The following ADAMTSL1 variants were observed in gnomAD, a reference collection of about 807,000 sequenced individuals.
ADAMTSL1 encodes ADAMTS like 1.
A neutral mutation model predicts 201.8 loss-of-function variants in ADAMTSL1; 126 were observed. That is an observed-to-expected ratio of 0.62 (90% confidence interval 0.54 to 0.72). ADAMTSL1 has a LOEUF of 0.72. Among genes scored for constraint, ADAMTSL1 ranks in the 30% least tolerant of loss-of-function variants. ADAMTSL1 has a pLI of 0.00. For synonymous variants in ADAMTSL1, 1,121 were observed against 903.4 expected, an observed-to-expected ratio of 1.24 and a Z score of -4.32; for missense variants, 2,679 against 2,277.8, an observed-to-expected ratio of 1.18 and a Z score of -3.59.
At chr9:18,465,136 C>T (rs527928516) in intron 2 of ADAMTSL1, among the ~76,000 whole-genome samples, 25 of 152,244 alleles carry the variant, frequency 1.6e-4, no homozygotes, top group African/African-American at 5.3e-4. Flanking sequence ...CTACACTGGC[C>T]GTTAATCAAA....
intron 23 of ADAMTSL1, among the ~76,000 whole-genome samples, chr9:18,864,782 A>G (rs750240192): frequency 6.6e-6 from 1 of 152,218 alleles, no homozygotes; most frequent in Non-Finnish European, 1.5e-5. Flanking sequence ...CAAGGATGTC[A>G]ATTGGTGGCA....
At position 18,178,749 on chromosome 9, in the gene ADAMTSL1, A is replaced by AC. The variant is rs963103456; in HGVS notation, c.207+14773dup. 3.3e-5 allele frequency among the ~76,000 whole-genome samples: 5 copies of AC among 152,088 alleles called. No individual in the cohort carries two copies. The East Asian group carries it at 5.8e-4, about 18-fold the overall frequency. ...CCCCCGAGCAGCCTAACTGGGAGGC[A>AC]CCCCCAAGCAGGGGCAGACTGACAC... On this transcript the variant is annotated intron_variant, in intron 2 of 29. Coordinates refer to the ADAMTSL1 transcript ENST00000680146.
chr9:18,674,424 C>T (rs979233863), intron 9 of ADAMTSL1, among the ~76,000 whole-genome samples: 2 of 151,998 alleles, frequency 1.3e-5, no homozygotes, highest in Non-Finnish European at 2.9e-5. Context: ...TATCCCCTAA[C>T]CTTTCAGTAA....
At chr9:18,195,648 G>T (rs1269545141) in intron 2 of ADAMTSL1, among the ~76,000 whole-genome samples, 1 of 152,146 alleles carries the variant, frequency 6.6e-6, no homozygotes, top group Non-Finnish European at 1.5e-5. Context: ...TCTGAAAAGA[G>T]CTGGTACTGG....
At chr9:18,488,976 G>C (rs1822132893) in intron 1 of ADAMTSL1, among the ~76,000 whole-genome samples, 2 of 152,128 alleles carry the variant, frequency 1.3e-5, no homozygotes, top group African/African-American at 4.8e-5. Context: ...ACTCATAAAT[G>C]CTTGTCTAAT....
At chr9:18,799,591 T>G (rs1012101020) in intron 20 of ADAMTSL1, among the ~76,000 whole-genome samples, 1 of 152,184 alleles carries the variant, frequency 6.6e-6, no homozygotes, top group Non-Finnish European at 1.5e-5. Context: ...AAAGAGATAC[T>G]GTAAGGCCTG....
At chr9:17,981,928 T>A (rs1818720723) in intron 1 of ADAMTSL1, among the ~76,000 whole-genome samples, 1 of 152,168 alleles carries the variant, frequency 6.6e-6, no homozygotes, top group Non-Finnish European at 1.5e-5. Context: ...TGGTTGGACT[T>A]TGGCCTTGAC....
intron 1 of ADAMTSL1, among the ~76,000 whole-genome samples, chr9:17,952,815 C>G (rs2131377007): frequency 6.6e-6 from 1 of 152,294 alleles, no homozygotes. Flanking sequence ...GCATGAGCCA[C>G]CATGCCCAGC....
At chr9:18,475,061 A>G (rs1821384404) in intron 1 of ADAMTSL1, among the ~76,000 whole-genome samples, 1 of 151,838 alleles carries the variant, frequency 6.6e-6, no homozygotes, top group Non-Finnish European at 1.5e-5. Context: ...TACTGTCCAA[A>G]ATAAATCTAC....
chr9:18,234,504 C>G (rs1830763627), intron 2 of ADAMTSL1, among the ~76,000 whole-genome samples: 1 of 152,130 alleles, frequency 6.6e-6, no homozygotes, highest in Non-Finnish European at 1.5e-5. Flanking sequence ...GACAAAGGCA[C>G]TGCAAATCTG....
chr9:18,690,702 G>C (rs2133238310), intron 13 of ADAMTSL1, among the ~76,000 whole-genome samples: 1 of 152,274 alleles, frequency 6.6e-6, no homozygotes, highest in Admixed American at 6.5e-5. Context: ...ATATGGTAGA[G>C]GTAAAGCCTC....
intron 2 of ADAMTSL1, among the ~76,000 whole-genome samples, chr9:18,313,169 A>G (rs1834222566): frequency 2.6e-5 from 4 of 152,240 alleles, no homozygotes; most frequent in African/African-American, 4.8e-5. Flanking sequence ...GTAAGGCCCA[A>G]TAACTTGCAT....
Position 18,753,318 on chromosome 9 carries a change from G to C in ADAMTSL1, c.2027G>C (p.Ser676Thr). ...CPARWEIGKWSPCSLTCGVGL... is the reference protein window; with the variant it reads ...CPARWEIGKWTPCSLTCGVGL... ...CTCAGGTGGGAAATTGGCAAGTGGA[G>C]TCCATGTAGTCTCACATGTGGGGTC... Residue 676 changes from serine (S) to threonine (T), a missense_variant, in exon 16 of 29, where the codon AGT becomes ACT. Physicochemically the swap from Ser to Thr is moderately conservative, Grantham distance 58. Coordinates refer to ENST00000380548, the MANE Select transcript of ADAMTSL1 (RefSeq NM_001040272.6). The C allele has an allele frequency of 6.2e-7, 1 of 1,611,874 alleles. No homozygotes were observed.
At chr9:18,875,487 TC>T (rs1334315860) in intron 23 of ADAMTSL1, among the ~76,000 whole-genome samples, 1 of 152,188 alleles carries the variant, frequency 6.6e-6, no homozygotes, top group African/African-American at 2.4e-5. Flanking sequence ...TTTTTTAATT[TC>T]TACCTTGATT....
chr9:18,597,780 T>G (rs962474373), intron 4 of ADAMTSL1, among the ~76,000 whole-genome samples: 2 of 152,184 alleles, frequency 1.3e-5, no homozygotes, highest in South Asian at 4.1e-4. Flanking sequence ...GAAAAAAATT[T>G]AAAGCATCAA....
At chr9:18,115,020 G>C (rs1825191385) in intron 1 of ADAMTSL1, among the ~76,000 whole-genome samples, 1 of 152,152 alleles carries the variant, frequency 6.6e-6, no homozygotes, top group African/African-American at 2.4e-5. Flanking sequence ...TCGATTCAGG[G>C]TGTTTGCCTG....
At chr9:18,446,561 C>T (rs956647608) in intron 2 of ADAMTSL1, among the ~76,000 whole-genome samples, 4 of 152,188 alleles carry the variant, frequency 2.6e-5, no homozygotes, top group Non-Finnish European at 5.9e-5. Flanking sequence ...GTAATGTGAA[C>T]GTGCAGAAAC....
At chr9:18,240,788 A>T (rs1229946030) in intron 2 of ADAMTSL1, among the ~76,000 whole-genome samples, 1 of 152,184 alleles carries the variant, frequency 6.6e-6, no homozygotes, top group African/African-American at 2.4e-5. Flanking sequence ...GATCTTAGTT[A>T]GATCTTCTGG....
intron 1 of ADAMTSL1, among the ~76,000 whole-genome samples, chr9:18,150,064 G>A (rs1214151911): frequency 6.6e-6 from 1 of 152,038 alleles, no homozygotes; most frequent in Non-Finnish European, 1.5e-5. Flanking sequence ...GTTCCTGGGA[G>A]ACATTTGTTT....
Sources: gnomAD v4.1 joint callset for allele counts (sites outside exome capture counted in the v4.1 genomes callset) on GRCh38, gnomAD v4.1.1 for gene constraint, MANE v1.5 for transcripts, NCBI Gene and HGNC (gene_info 2026-07-23, HGNC 2026-07-21) for gene names.